The following PLK3 variants were observed in gnomAD, a reference collection of about 807,000 sequenced individuals.
PLK3 encodes polo like kinase 3, also known as serine/threonine-protein kinase PLK3.
Under a neutral mutation model 71.6 loss-of-function variants are expected in PLK3, and 41 were observed. The observed-to-expected ratio is 0.57, with a 90% CI of 0.45 to 0.74. The LOEUF is 0.74. Among genes scored for constraint, PLK3 ranks in the 30% least tolerant of loss-of-function variants. The pLI is 0.00. For synonymous variants in PLK3, 366 were observed against 355.4 expected (o/e 1.03, Z -0.33); for missense variants, 791 against 875.6 (o/e 0.90, Z 1.22).
chr1:44,801,367 GC>G (rs1413315136), intron 3 of PLK3, among the ~76,000 whole-genome samples: 19 of 151,974 alleles, frequency 1.3e-4, no homozygotes, highest in African/African-American at 4.1e-4. Flanking sequence ...GCACCACCAC[GC>G]CCGGCTAATT....
At position 44,800,778 on chromosome 1, in the gene PLK3, G is replaced by A; in HGVS notation, c.211-62G>A. 1 of 1,552,296 alleles carries A rather than the reference G, an allele frequency of 6.4e-7. No individual in the cohort carries two copies. Among genetic ancestry groups the A allele is most frequent in the Non-Finnish European group, 8.7e-7 (1 of 1,148,852 alleles). Reference sequence around the variant, plus strand: ...CGTGGGCACTTGACCCCCAACGCGGGGACGCCCGCGGGCCAGACTCGGCCC... The same window carrying A: ...CGTGGGCACTTGACCCCCAACGCGGAGACGCCCGCGGGCCAGACTCGGCCC... On this transcript the variant is annotated intron_variant, in intron 1 of 14. Transcript: ENST00000372201. The surrounding 1 kb of genome is among the most constrained non-coding windows in gnomAD (Gnocchi z 6.5).
chr1:44,801,172 G>A lies in PLK3; in HGVS notation c.435+20G>A, dbSNP rs533084576. 2.7e-6 allele frequency: 3 copies of A among 1,109,490 alleles called. No individual in the cohort carries two copies. The highest frequency in any genetic ancestry group is 2.5e-5 in the South Asian group (2 of 81,040). 68.7% of individuals were successfully genotyped at this position (1,109,490 alleles called of 1,614,324 possible). A position where few individuals can be genotyped will look rare whatever the true frequency, so the allele number is the denominator to read the frequency against. ...CGAAAGGTGAAAGATGGTGATTCCC[G>A]CAGGGATGAGAGTGAGGGAGAGAAG... is the stretch of plus-strand genomic sequence containing the variant. On this transcript the variant is annotated intron_variant, in intron 3 of 14. Transcript: ENST00000372201.
chr1:44,804,043 TGA>T lies in PLK3; in HGVS notation c.1258+23_1258+24del, dbSNP rs757820712. The stretch of plus-strand genomic sequence containing the variant: ...GGAGATGGTGAGGAGCCAGGGAGGA[TGA>T]GAGGTGATAGAGGTTGCTGGAGCTG... On this transcript the variant is annotated intron_variant, in intron 10 of 14. Coordinates refer to ENST00000372201, the MANE Select transcript of PLK3 (RefSeq NM_004073.4). 14 of 1,545,258 alleles carry T rather than the reference TGA, an allele frequency of 9.1e-6. No individual in the cohort carries two copies. Among genetic ancestry groups the T allele is most frequent in the Non-Finnish European group, 1.2e-5 (14 of 1,133,110 alleles).
rs1651905713 is a variant in PLK3, at chr1:44,803,514, T to C, written c.1073-86T>C. ...GGGAGAGCATGTGCAGTACAGGCAC[T>C]TGGGGAGGCCAATCTCTGTGTCATC... On this transcript the variant is annotated intron_variant, in intron 8 of 14. Transcript: ENST00000372201. This position sits in a 1 kb window ranked among gnomAD's most constrained non-coding sequence, Gnocchi z 4.3. 5 of 1,574,580 alleles carry C rather than the reference T, an allele frequency of 3.2e-6. No individual in the cohort carries two copies. Among genetic ancestry groups the C allele is most frequent in the African/African-American group, 1.3e-5 (1 of 74,204 alleles).
In PLK3 at chr1:44,801,723, C is replaced by A. The variant is rs142337193; in HGVS notation, c.537C>A (p.Arg179=). 15 of 1,508,606 alleles carry A rather than the reference C, an allele frequency of 9.9e-6. No homozygotes were observed. The highest frequency in any genetic ancestry group is 1.3e-5 in the Non-Finnish European group (15 of 1,116,960). 93.5% of individuals were successfully genotyped at this position (1,508,606 alleles called of 1,614,324 possible). A position where few individuals can be genotyped will look rare whatever the true frequency, so the allele number is the denominator to read the frequency against. Reference sequence around the variant, plus strand: ...CTGGCCTCAAGTACTTGCACCAGCGCGGCATCTTGCACCGGGACCTCAAGT... The same window carrying A: ...CTGGCCTCAAGTACTTGCACCAGCGAGGCATCTTGCACCGGGACCTCAAGT... ...ILSGLKYLHQ[R]GILHRDLKLG... is the part of the protein sequence containing the mutation. Residue 179 remains arginine, a synonymous_variant, in exon 4 of 15, where the codon CGC becomes CGA. Transcript: ENST00000372201.
chr1:44,805,047 T>C (rs1367316761), intron 13 of PLK3: 8 of 578,126 alleles, frequency 1.4e-5, no homozygotes, highest in Admixed American at 3.0e-5. Flanking sequence ...GAGCTTGCAG[T>C]GAGCAGAGAT....
At position 44,803,661 on chromosome 1, in the gene PLK3, A is replaced by G. The variant is rs17886354; in HGVS notation, c.1134A>G (p.Thr378=). 155,517 of 1,613,086 alleles carry G rather than the reference A, an allele frequency of 0.096. 8,166 individuals carry two copies. The highest frequency in any genetic ancestry group is 0.11 in the Admixed American group (6,457 of 59,918). ...VSGLVSGLMR[T]SVGHQDARPE... Reference sequence around the variant, plus strand: ...GTTTGGTGAGCGGCCTCATGCGCACATCCGTTGGCCATCAGGATGCCAGGC... The same window carrying G: ...GTTTGGTGAGCGGCCTCATGCGCACGTCCGTTGGCCATCAGGATGCCAGGC... The change falls in exon 9 of 15, where the codon ACA becomes ACG. Residue 378 remains threonine (T), a synonymous_variant. Coordinates refer to ENST00000372201, the MANE Select transcript of PLK3 (RefSeq NM_004073.4). The surrounding 1 kb of genome is among the most constrained non-coding windows in gnomAD (Gnocchi z 4.3).
rs780582389 is a variant in PLK3, at chr1:44,803,592, A to T, written c.1073-8A>T. On this transcript the variant is annotated splice_polypyrimidine_tract_variant and splice_region_variant and intron_variant, in intron 8 of 14. Transcript: ENST00000372201. The surrounding 1 kb of genome is among the most constrained non-coding windows in gnomAD (Gnocchi z 4.3). The stretch of plus-strand genomic sequence containing the variant: ...GATACTGAGGACGGTATCACCTTTC[A>T]CCCCCAGGTAAGAATCATGCCCAGG... 6.2e-7 allele frequency: 1 copy of T among 1,612,264 alleles called. No individual in the cohort carries two copies. The highest frequency in any genetic ancestry group is 1.3e-5 in the African/African-American group (1 of 74,726).
In PLK3 at chr1:44,805,599, G is replaced by T. The variant is rs1316488759; in HGVS notation, c.1862G>T (p.Arg621Leu). 3 of 1,614,172 alleles carry T rather than the reference G, an allele frequency of 1.9e-6. No homozygotes were observed. The highest frequency in any genetic ancestry group is 1.7e-6 in the Non-Finnish European group (2 of 1,180,008). The stretch of plus-strand genomic sequence containing the variant: ...TGTACTTACCTCGCTTCCCACCTTC[G>T]GCAGCTGGGCTGCTCTCCAGACCTG... ...SACTYLASHL[R>L]QLGCSPDLRQ... Residue 621 changes from arginine (R) to leucine (L), a missense_variant, in exon 15 of 15, where the codon CGG (arginine) becomes CTG (leucine). Coordinates refer to ENST00000372201, the MANE Select transcript of PLK3 (RefSeq NM_004073.4).
chr1:44,805,617 C>T lies in PLK3; in HGVS notation c.1880C>T (p.Pro627Leu). The T allele has an allele frequency of 1.2e-6, 2 of 1,614,160 alleles. No individual in the cohort carries two copies. Among genetic ancestry groups the T allele is most frequent in the East Asian group, 2.2e-5 (1 of 44,882 alleles). Reference sequence around the variant, plus strand: ...CACCTTCGGCAGCTGGGCTGCTCTCCAGACCTGCGGCAGCGACTCCGCTAT... The same window carrying T: ...CACCTTCGGCAGCTGGGCTGCTCTCTAGACCTGCGGCAGCGACTCCGCTAT... ...ASHLRQLGCS[P>L]DLRQRLRYAL... The change falls in exon 15 of 15, where the codon CCA becomes CTA. Residue 627 changes from proline (P) to leucine (L), a missense_variant. By Grantham distance (98) the Pro-to-Leu change is moderately conservative (BLOSUM62 -3). Transcript: ENST00000372201.
chr1:44,801,701 G>T lies in PLK3; in HGVS notation c.515G>T (p.Gly172Val). ...TACTACCTGCGGCAGATCCTTTCTG[G>T]CCTCAAGTACTTGCACCAGCGCGGC... ...VRYYLRQILS[G>V]LKYLHQRGIL... The change falls in exon 4 of 15, where the codon GGC becomes GTC. Residue 172 changes from glycine (G) to valine (V), a missense_variant. By Grantham distance (109) the Gly-to-Val change is moderately radical. Transcript: ENST00000372201. The T allele has an allele frequency of 6.3e-7, 1 of 1,576,526 alleles. No homozygotes were observed. Among genetic ancestry groups the T allele is most frequent in the Non-Finnish European group, 8.6e-7 (1 of 1,158,152 alleles).
chr1:44,805,001 A>C (rs1286121985), intron 13 of PLK3: 8 of 580,070 alleles, frequency 1.4e-5, no homozygotes, highest in Non-Finnish European at 2.4e-5. Flanking sequence ...GCTACTCGGG[A>C]GGCTGAGGCA....
chr1:44,802,727 C>T (rs1386309952), intron 5 of PLK3, 33 bp from the exon 6 acceptor site: 4 of 1,497,310 alleles, frequency 2.7e-6, no homozygotes, highest in Non-Finnish European at 3.7e-6. Context: ...GGCTGGGTCT[C>T]AGCCTTCTCT....
At chr1:44,804,075 C>G in intron 10 of PLK3, 51 bp downstream of exon 10, 1 of 1,544,240 alleles carries the variant, frequency 6.5e-7, no homozygotes, top group Non-Finnish European at 8.9e-7. Context: ...GAGCTGAGAT[C>G]AGGGGCGAGA....
chr1:44,804,396 G>T lies in PLK3; in HGVS notation c.1400G>T (p.Trp467Leu), dbSNP rs1263047058. The stretch of plus-strand genomic sequence containing the variant: ...GAGCCTCTGGTGTGGGTCAGCAAGT[G>T]GGTTGACTACTCCAATAAGTTCGGC... ...QPEPLVWVSK[W>L]VDYSNKFGFG... Residue 467 changes from tryptophan to leucine, a missense_variant, in exon 12 of 15, where the codon TGG becomes TTG. Trp to Leu is a moderately conservative substitution (Grantham distance 61). Coordinates refer to ENST00000372201, the MANE Select transcript of PLK3 (RefSeq NM_004073.4). 6.2e-7 allele frequency: 1 copy of T among 1,614,058 alleles called. No individual in the cohort carries two copies. The highest frequency in any genetic ancestry group is 1.3e-5 in the African/African-American group (1 of 74,920).
At position 44,801,859 on chromosome 1, in the gene PLK3, A is replaced by G; in HGVS notation, c.580A>G (p.Thr194Ala). The change falls in exon 5 of 15, where the codon ACT (threonine) becomes GCT (alanine). Residue 194 changes from threonine to alanine, a missense_variant. Physicochemically the swap from Thr to Ala is moderately conservative, Grantham distance 58 (BLOSUM62 0). Coordinates refer to ENST00000372201, the MANE Select transcript of PLK3 (RefSeq NM_004073.4). ...RDLKLGNFFITENMELKVGDF... is the reference protein window; with the variant it reads ...RDLKLGNFFIAENMELKVGDF... Reference sequence around the variant, plus strand: ...GCCCCATCTAGGAAATTTTTTCATCACTGAGAACATGGAACTGAAGGTGGG... The same window carrying G: ...GCCCCATCTAGGAAATTTTTTCATCGCTGAGAACATGGAACTGAAGGTGGG... 1 of 1,613,782 alleles carries G rather than the reference A, an allele frequency of 6.2e-7. No individual in the cohort carries two copies.
In PLK3 at chr1:44,801,830, T is replaced by C. The variant is rs368138414; in HGVS notation, c.566-15T>C. On this transcript the variant is annotated splice_polypyrimidine_tract_variant and intron_variant, in intron 4 of 14. Transcript: ENST00000372201. ...GGAAGGAAAGAATCTGACACACCTC[T>C]CTTGCCCCATCTAGGAAATTTTTTC... 1.9e-5 allele frequency: 31 copies of C among 1,612,588 alleles called. No individual in the cohort carries two copies. In the East Asian group the frequency reaches 2.9e-4, roughly 15 times the overall value.
In PLK3 at chr1:44,803,568, A is replaced by G; in HGVS notation, c.1073-32A>G. ...GTCGGAAGTGGAGGGGCTGGGCAGG[A>G]TACTGAGGACGGTATCACCTTTCAC... On this transcript the variant is annotated intron_variant, in intron 8 of 14. Transcript: ENST00000372201. The surrounding 1 kb of genome is among the most constrained non-coding windows in gnomAD (Gnocchi z 4.3). The G allele has an allele frequency of 6.3e-7, 1 of 1,599,102 alleles. No homozygotes were observed. The highest frequency in any genetic ancestry group is 8.6e-7 in the Non-Finnish European group (1 of 1,166,858).
At chr1:44,802,725 C>T (rs759429158) in intron 5 of PLK3, 35 bp from the exon 6 acceptor site, 1 of 1,475,990 alleles carries the variant, frequency 6.8e-7, no homozygotes, top group Non-Finnish European at 9.5e-7. Context: ...TGGGCTGGGT[C>T]TCAGCCTTCT....
Sources: allele counts gnomAD v4.1 joint callset (sites outside exome capture counted in the v4.1 genomes callset), GRCh38; gene constraint gnomAD v4.1.1; non-coding constraint Gnocchi (gnomAD v3.1); transcripts MANE v1.5; gene names NCBI Gene and HGNC (gene_info 2026-07-23, HGNC 2026-07-21).